The following GCH1 variants were observed in gnomAD, a reference collection of about 807,000 sequenced individuals.
GCH1 encodes the protein GTP cyclohydrolase 1.
In GCH1, 5 loss-of-function variants were observed where a neutral mutation model predicts 25.9. That is an observed-to-expected ratio of 0.19 (90% CI 0.10 to 0.41). The LOEUF (loss-of-function observed/expected upper bound fraction) is 0.41, where lower values mean the gene tolerates loss of function less well. GCH1 is among the 10% of genes least tolerant of loss of function. The pLI is 1.00. For missense variants in GCH1, 261 were observed against 336.5 expected, an observed-to-expected ratio of 0.78 and a Z score of 1.75; for synonymous variants, 159 against 129.6, an observed-to-expected ratio of 1.23 and a Z score of -1.54.
At chr14:54,883,363 C>T (rs1464363616) in intron 1 of GCH1, among the ~76,000 whole-genome samples, 1 of 101,106 alleles carries the variant, frequency 9.9e-6, no homozygotes, top group African/African-American at 4.1e-5. Context: ...CAGAGTGAGA[C>T]TCCGACTCAA....
At chr14:54,891,134 A>C (rs1445550552) in intron 1 of GCH1, among the ~76,000 whole-genome samples, 1 of 152,030 alleles carries the variant, frequency 6.6e-6, no homozygotes, top group Non-Finnish European at 1.5e-5. Context: ...ACAGAGTCCC[A>C]CTCTGTCATC....
intron 1 of GCH1, among the ~76,000 whole-genome samples, chr14:54,877,437 G>C (rs1284432095): frequency 1.3e-5 from 2 of 152,136 alleles, no homozygotes; most frequent in African/African-American, 4.8e-5. Flanking sequence ...CAAGTATTTA[G>C]TCTGCCAGAC....
intron 3 of GCH1, among the ~76,000 whole-genome samples, chr14:54,850,165 G>T (rs1476211620): frequency 6.6e-6 from 1 of 151,844 alleles, no homozygotes; most frequent in African/African-American, 2.4e-5. Flanking sequence ...GTAGAGACAG[G>T]GTTTCACCAT....
At position 54,902,811 on chromosome 14, in the gene GCH1, G is replaced by T; in HGVS notation, c.-148C>A. The T allele has an allele frequency of 9.1e-7, 1 of 1,096,006 alleles. No homozygotes were observed. The highest frequency in any genetic ancestry group is 1.2e-6 in the Non-Finnish European group (1 of 854,426). 67.9% of individuals were successfully genotyped at this position (1,096,006 alleles called of 1,614,324 possible). ...CCTGCTTAGATCACACTCCGAGCCG[G>T]GAGCGGCCACAGGCTGGAAAGCCCG... On this transcript the variant is annotated 5_prime_UTR_variant, in exon 1 of 6. Transcript: ENST00000491895.
chr14:54,896,469 A>G (rs114731402), intron 1 of GCH1, among the ~76,000 whole-genome samples: 6,309 of 139,936 alleles, frequency 0.045, 453 homozygotes, highest in African/African-American at 0.17. Context: ...TTAATTATAT[A>G]TCTCTTTAAA....
At chr14:54,891,906 T>G (rs2140114319) in intron 1 of GCH1, among the ~76,000 whole-genome samples, 1 of 152,308 alleles carries the variant, frequency 6.6e-6, no homozygotes, top group South Asian at 2.1e-4. Flanking sequence ...AAGTAACCCT[T>G]ATTTTACTTA....
intron 1 of GCH1, among the ~76,000 whole-genome samples, chr14:54,875,488 T>G: frequency 6.6e-6 from 1 of 152,218 alleles, no homozygotes; most frequent in African/African-American, 2.4e-5. Context: ...CTAATTAAAC[T>G]AAAGAGCTTC....
intron 1 of GCH1, among the ~76,000 whole-genome samples, chr14:54,886,418 C>T (rs1314665163): frequency 6.6e-6 from 1 of 151,814 alleles, no homozygotes; most frequent in Admixed American, 6.6e-5. Context: ...TGAGACCATC[C>T]TGGCTAACAC....
chr14:54,901,109 C>A (rs950615085), intron 1 of GCH1, among the ~76,000 whole-genome samples: 1 of 152,102 alleles, frequency 6.6e-6, no homozygotes, highest in African/African-American at 2.4e-5. Flanking sequence ...GATTTCCCAC[C>A]CTTCCTTTGG....
rs752447862 is a variant in GCH1, at chr14:54,845,802, G to A, written c.592C>T (p.Arg198Trp). ...QIAVAITEALRPAGVGVVVEA... is the reference protein window; with the variant it reads ...QIAVAITEALWPAGVGVVVEA... ...ACCACTACCCCGACTCCAGCAGGCC[G>A]CAAGGCTTCCGTGATTGCTACAGCA... Residue 198 changes from arginine (R) to tryptophan (W), a missense_variant, in exon 5 of 6, where the codon CGG becomes TGG. By Grantham distance (101) the Arg-to-Trp change is moderately radical. Transcript: ENST00000491895. The A allele has an allele frequency of 5.6e-6, 9 of 1,609,556 alleles. No individual in the cohort carries two copies. The highest frequency in any genetic ancestry group is 1.1e-5 in the South Asian group (1 of 90,978).
chr14:54,844,082 T>G lies in GCH1; in HGVS notation c.688A>C (p.Met230Leu), dbSNP rs1311873158. 6.2e-7 allele frequency: 1 copy of G among 1,613,920 alleles called. No individual in the cohort carries two copies. ...KMNSKTVTST[M>L]LGVFREDPKT... Reference sequence around the variant, plus strand: ...GGATCCTCCCGGAACACACCCAACATTGTGCTGGTCACAGTTTTGCTGTTC... The same window carrying G: ...GGATCCTCCCGGAACACACCCAACAGTGTGCTGGTCACAGTTTTGCTGTTC... Residue 230 changes from methionine to leucine, a missense_variant, in exon 6 of 6, where the codon ATG becomes CTG. Physicochemically the swap from Met to Leu is conservative, Grantham distance 15 (BLOSUM62 2). Coordinates refer to ENST00000491895, the MANE Select transcript of GCH1 (RefSeq NM_000161.3).
At position 54,843,116 on chromosome 14, in the gene GCH1, TAA is replaced by T; in HGVS notation, c.*899_*900del. The T allele has an allele frequency of 6.7e-7, 1 of 1,492,960 alleles. No homozygotes were observed. The highest frequency in any genetic ancestry group is 9.1e-7 in the Non-Finnish European group (1 of 1,095,984). The allele number at this position is 1,492,960 out of a possible 1,614,324, so 92.5% of individuals were successfully genotyped here. On this transcript the variant is annotated 3_prime_UTR_variant, in exon 6 of 6. Transcript: ENST00000491895. ...TACTTAGAAAAATATCTTATAAGAT[TAA>T]AAAAAAGAAGAAGAAGAAACATTTT...
At chr14:54,901,374 A>T (rs886264744) in intron 1 of GCH1, among the ~76,000 whole-genome samples, 4 of 152,186 alleles carry the variant, frequency 2.6e-5, no homozygotes, top group African/African-American at 9.7e-5. Flanking sequence ...TTATTTTTTT[A>T]AACACAGACC....
intron 2 of GCH1, among the ~76,000 whole-genome samples, chr14:54,862,379 CTTTTT>C (rs892910613): frequency 7.0e-5 from 4 of 57,398 alleles, no homozygotes; most frequent in Non-Finnish European, 1.1e-4. Flanking sequence ...AAGCACTACT[CTTTTT>C]TTTTTTTTTT....
chr14:54,880,530 T>C (rs1480069201), intron 1 of GCH1, among the ~76,000 whole-genome samples: 1 of 95,956 alleles, frequency 1.0e-5, no homozygotes, highest in Non-Finnish European at 1.9e-5. Flanking sequence ...TATATATATA[T>C]ATACTCCATA....
intron 1 of GCH1, among the ~76,000 whole-genome samples, chr14:54,869,300 A>G (rs1017838588): frequency 6.6e-6 from 1 of 152,132 alleles, no homozygotes; most frequent in Non-Finnish European, 1.5e-5. Context: ...TGGCCCCCCA[A>G]AGTGCTGAGA....
rs36150047 is a variant in GCH1, at chr14:54,880,720, T to TC, written c.344-15285dup. On this transcript the variant is annotated intron_variant, in intron 1 of 5. Coordinates refer to ENST00000491895, the MANE Select transcript of GCH1 (RefSeq NM_000161.3). ...ATATATATACTCCATATATATATACTCATATATATATATATACTCCATATA... is the reference window on the plus strand; with the variant it reads ...ATATATATACTCCATATATATATACTCCATATATATATATATACTCCATATA... 3.1e-4 allele frequency among the ~76,000 whole-genome samples: 14 copies of TC among 45,424 alleles called. 3 individuals carry two copies. The highest frequency in any genetic ancestry group is 1.1e-3 in the African/African-American group (7 of 6,264). The allele number at this position is 45,424 out of a possible 152,430, so 29.8% of individuals were successfully genotyped here.
chr14:54,870,049 G>T (rs970097412), intron 1 of GCH1, among the ~76,000 whole-genome samples: 1 of 152,126 alleles, frequency 6.6e-6, no homozygotes, highest in Non-Finnish European at 1.5e-5. Context: ...ACTGCAAAAG[G>T]AAAGAAAGAA....
At chr14:54,889,941 C>T (rs1258106875) in intron 1 of GCH1, among the ~76,000 whole-genome samples, 1 of 152,132 alleles carries the variant, frequency 6.6e-6, no homozygotes, top group Non-Finnish European at 1.5e-5. Context: ...AGAACAAAAC[C>T]TCACAGCAAT....
Sources: allele counts gnomAD v4.1 joint callset (sites outside exome capture counted in the v4.1 genomes callset), GRCh38; gene constraint gnomAD v4.1.1; transcripts MANE v1.5; gene names NCBI Gene and HGNC (gene_info 2026-07-23, HGNC 2026-07-21).